Variants in GRTP1 observed in about 807,000 individuals in gnomAD.
GRTP1 encodes growth hormone-regulated TBC protein 1.
A neutral mutation model predicts 38.1 loss-of-function variants in GRTP1; 56 were observed. The ratio of observed to expected loss-of-function variants is 1.47; its 90% CI spans 1.19 to 1.84. The LOEUF (loss-of-function observed/expected upper bound fraction) is 1.84. GRTP1 is among the 40% of genes most tolerant of loss of function. GRTP1 has a pLI of 0.00. For missense variants in GRTP1, 506 were observed against 453.9 expected (o/e 1.11, Z -1.04); for synonymous variants, 217 against 189.5 (o/e 1.14, Z -1.19).
intron 5 of GRTP1, among the ~76,000 whole-genome samples, chr13:113,331,134 G>A (rs1430392636): frequency 3.9e-5 from 6 of 152,056 alleles, no homozygotes; most frequent in African/African-American, 7.2e-5. Context: ...GAAAGCCTAG[G>A]TGTGTGCATG....
rs1566429519 is a variant in GRTP1 at position 113,346,195 on chromosome 13, A to AGCGGATCTGG, written c.466-1237_466-1236insCCAGATCCGC. On this transcript the variant is annotated intron_variant, in intron 4 of 7. Coordinates refer to ENST00000375431, the MANE Select transcript of GRTP1 (RefSeq NM_024719.4). ...GGACCCGGGAGGACCTCTGTGGCTG[A>AGCGGATCTGG]GAGCAGACCCGGGAGGACCTCTGTG... Among the ~76,000 whole-genome samples, 12 of 110,012 alleles carry AGCGGATCTGG rather than the reference A, an allele frequency of 1.1e-4. 1 individual carries two copies. The highest frequency in any genetic ancestry group is 2.1e-4 in the Admixed American group (2 of 9,372). The allele number at this position is 110,012 out of a possible 152,430, so 72.2% of individuals were successfully genotyped here.
chr13:113,357,852 T>C (rs1436680933), intron 2 of GRTP1, among the ~76,000 whole-genome samples: 1 of 152,198 alleles, frequency 6.6e-6, no homozygotes, highest in Non-Finnish European at 1.5e-5. Flanking sequence ...GTGGTACTTC[T>C]ACAAACTAAT....
In GRTP1 at chr13:113,363,794, A is replaced by C. The variant is rs758721125; in HGVS notation, c.149T>G (p.Leu50Arg). The C allele has an allele frequency of 2.2e-5, 36 of 1,608,996 alleles. No homozygotes were observed. Among genetic ancestry groups the C allele is most frequent in the Middle Eastern group, 1.7e-4 (1 of 5,938 alleles). ...GCTCCTGGGGACGCCCCCGCCCTGCAGCAGCCGGGACCATTTGATCGCCCT... is the reference window on the plus strand; with the variant it reads ...GCTCCTGGGGACGCCCCCGCCCTGCCGCAGCCGGGACCATTTGATCGCCCT... ...TRRAIKWSRL[L>R]QGGGVPRSRT... Residue 50 changes from leucine to arginine, a missense_variant, in exon 2 of 8, where the codon CTG becomes CGG. Transcript: ENST00000375431.
intron 3 of GRTP1, among the ~76,000 whole-genome samples, chr13:113,352,314 T>TTTA (rs2043291784): frequency 1.5e-4 from 7 of 48,184 alleles, no homozygotes; most frequent in African/African-American, 4.2e-4. Flanking sequence ...TATATATATT[T>TTTA]TATATATATT....
intron 4 of GRTP1, among the ~76,000 whole-genome samples, chr13:113,345,684 C>T (rs2043092460): frequency 6.6e-6 from 1 of 152,246 alleles, no homozygotes; most frequent in African/African-American, 2.4e-5. Flanking sequence ...GGAGGGGCAG[C>T]TGCAGAGAGC....
chr13:113,325,859 G>A lies in GRTP1; in HGVS notation c.736-13C>T. ...TCCGAAGCACTGTCTGCAGAGACAT[G>A]GGAACCCGGTGTCACTCCCTGGCGG... On this transcript the variant is annotated splice_polypyrimidine_tract_variant and intron_variant, in intron 6 of 7. Transcript: ENST00000375431. 1 of 1,613,872 alleles carries A rather than the reference G, an allele frequency of 6.2e-7. No homozygotes were observed. Among genetic ancestry groups the A allele is most frequent in the Middle Eastern group, 1.6e-4 (1 of 6,062 alleles).
At chr13:113,354,855 G>T (rs11839945) in intron 3 of GRTP1, among the ~76,000 whole-genome samples, 9,041 of 152,240 alleles carry the variant, frequency 0.059, 334 homozygotes, top group African/African-American at 0.094. Flanking sequence ...TTAGCACTCT[G>T]AACTTCTGAG....
At position 113,348,831 on chromosome 13, in the gene GRTP1, C is replaced by A. The variant is rs1210342525; in HGVS notation, c.465+2018G>T. Among the ~76,000 whole-genome samples the A allele has an allele frequency of 8.5e-5, 13 of 152,148 alleles. No individual in the cohort carries two copies. In the East Asian group the frequency reaches 1.2e-3, roughly 14 times the overall value. On this transcript the variant is annotated intron_variant, in intron 4 of 7. Transcript: ENST00000375431. This position sits in a 1 kb window ranked among gnomAD's most constrained non-coding sequence, Gnocchi z 4.8. ...CCCGCAGACGCCGCGACCTCACCTG[C>A]CCCGCAGATGCCGCGACCTCTGATG...
At chr13:113,363,640 G>A (rs1198913640) in intron 2 of GRTP1, 122 bp downstream of exon 2, 2 of 1,052,994 alleles carry the variant, frequency 1.9e-6, no homozygotes, top group Non-Finnish European at 1.3e-6. Context: ...CCGCAGCTTC[G>A]TCCCGACCTG....
At chr13:113,350,757 C>G (rs1366945032) in intron 4 of GRTP1, 92 bp downstream of exon 4, 3 of 1,223,698 alleles carry the variant, frequency 2.5e-6, no homozygotes, top group Middle Eastern at 2.2e-4. Context: ...ACAGGGTTGA[C>G]AGAGACGTGA....
chr13:113,355,182 T>G (rs936184779), intron 3 of GRTP1, 141 bp downstream of exon 3: 11 of 798,440 alleles, frequency 1.4e-5, no homozygotes, highest in Admixed American at 2.4e-5. Flanking sequence ...GTTTTGATTC[T>G]TTCATGGAGG....
At position 113,346,113 on chromosome 13, in the gene GRTP1, C is replaced by T. The variant is rs1262252833; in HGVS notation, c.466-1154G>A. 3.3e-4 allele frequency among the ~76,000 whole-genome samples: 30 copies of T among 91,908 alleles called. 2 individuals carry two copies. The highest frequency in any genetic ancestry group is 9.2e-4 in the Admixed American group (8 of 8,660). 60.3% of individuals were successfully genotyped at this position (91,908 alleles called of 152,430 possible). ...GAAGACATCTGTGGCCGAGAACAGA[C>T]CCGGGAGGACCTCTGTGGACAAGAG... On this transcript the variant is annotated intron_variant, in intron 4 of 7. Transcript: ENST00000375431.
chr13:113,333,870 T>C (rs1173389970), intron 5 of GRTP1, among the ~76,000 whole-genome samples: 4 of 141,966 alleles, frequency 2.8e-5, no homozygotes, highest in African/African-American at 8.1e-5. Context: ...TGTGTGTGTG[T>C]GTGTCCGAGG....
Position 113,325,844 on chromosome 13 carries a change from T to TG in GRTP1, c.737dup (p.Val247SerfsTer10). On this transcript the variant is annotated frameshift_variant and splice_region_variant, in exon 7 of 8. Coordinates refer to ENST00000375431, the MANE Select transcript of GRTP1 (RefSeq NM_024719.4). LOFTEE classifies it high-confidence loss of function. ...ACAAACAGTCCCAGATCCGAAGCAC[T>TG]GTCTGCAGAGACATGGGAACCCGGT... is the stretch of plus-strand genomic sequence containing the variant. 6.2e-7 allele frequency: 1 copy of TG among 1,613,926 alleles called. No homozygotes were observed. Among genetic ancestry groups the TG allele is most frequent in the Non-Finnish European group, 8.5e-7 (1 of 1,179,882 alleles).
At chr13:113,325,203 G>GC (rs1410618307) in intron 7 of GRTP1, 2 of 1,107,910 alleles carry the variant, frequency 1.8e-6, no homozygotes, top group Non-Finnish European at 2.2e-6. Flanking sequence ...ACCCAGAGTG[G>GC]CCCCGAGCCT....
rs781604705 is a variant in GRTP1 at position 113,325,585 on chromosome 13, G to A, written c.921+76C>T. On this transcript the variant is annotated intron_variant, in intron 7 of 7. Transcript: ENST00000375431. Reference sequence around the variant, plus strand: ...TGCCCGTCCTGTGCACCCTCCGGGTGGTCAGAGCAGCCCCCGGGCTGCAGG... The same window carrying A: ...TGCCCGTCCTGTGCACCCTCCGGGTAGTCAGAGCAGCCCCCGGGCTGCAGG... The A allele has an allele frequency of 7.2e-5, 116 of 1,609,592 alleles. 1 individual carries two copies. The East Asian group carries it at 2.6e-3, about 36-fold the overall frequency.
At chr13:113,362,217 C>A (rs957783735) in intron 2 of GRTP1, among the ~76,000 whole-genome samples, 8 of 151,666 alleles carry the variant, frequency 5.3e-5, no homozygotes, top group Non-Finnish European at 8.8e-5. Flanking sequence ...GTAATCCCAG[C>A]TACTCAGGAG....
chr13:113,345,970 A>G (rs980394657), intron 4 of GRTP1, among the ~76,000 whole-genome samples: 61 of 151,406 alleles, frequency 4.0e-4, no homozygotes, highest in South Asian at 1.3e-3. Flanking sequence ...AAGCAGACCC[A>G]GGAGGACTTT....
At chr13:113,351,093 C>G in intron 3 of GRTP1, 120 bp from the exon 4 acceptor site, 1 of 1,299,950 alleles carries the variant, frequency 7.7e-7, no homozygotes, top group South Asian at 1.3e-5. Flanking sequence ...GGTTTTCACC[C>G]TGGCCGCACA....
Sources: allele counts gnomAD v4.1 joint callset (sites outside exome capture counted in the v4.1 genomes callset), GRCh38; gene constraint gnomAD v4.1.1; non-coding constraint Gnocchi (gnomAD v3.1); transcripts MANE v1.5; gene names NCBI Gene and HGNC (gene_info 2026-07-23, HGNC 2026-07-21).